The following NKTR variants were observed in gnomAD, a reference collection of about 807,000 sequenced individuals.
NKTR encodes natural killer cell triggering receptor, also known as NK-tumor recognition protein.
NKTR carries 67 observed loss-of-function variants against 156.3 expected under a neutral mutation model. The observed-to-expected ratio is 0.43, with a 90% CI of 0.35 to 0.53. The LOEUF is 0.53. Ranked by LOEUF, NKTR falls within the 20% of genes least tolerant of loss-of-function variation. The pLI is 0.01. For synonymous variants in NKTR, 640 were observed against 596.6 expected (o/e 1.07, Z -1.06); for missense variants, 1,604 against 1,730.9 (o/e 0.93, Z 1.30).
At chr3:42,612,270 G>A (rs1706904839) in intron 2 of NKTR, 1 of 152,010 alleles carries the variant, frequency 6.6e-6, no homozygotes, top group African/African-American at 2.4e-5. Flanking sequence ...AAAATACACA[G>A]AAAATTAATG....
rs889379755 is a variant in NKTR at position 42,631,297 on chromosome 3, C to T, written c.531C>T (p.Ala177=). ...DVRVIDCGVL[A]TKSIKDVFEK... ...GAGTTATTGACTGTGGAGTACTTGCCACAAAATCAATAAAAGATGGTAAGA... is the reference window on the plus strand; with the variant it reads ...GAGTTATTGACTGTGGAGTACTTGCTACAAAATCAATAAAAGATGGTAAGA... Residue 177 remains alanine, a synonymous_variant, in exon 8 of 17, where the codon GCC becomes GCT. Transcript: ENST00000232978. 2 of 1,613,148 alleles carry T rather than the reference C, an allele frequency of 1.2e-6. No homozygotes were observed. Among genetic ancestry groups the T allele is most frequent in the Non-Finnish European group, 1.7e-6 (2 of 1,179,624 alleles).
At chr3:42,631,894 A>T (rs1415535788) in intron 8 of NKTR, among the ~76,000 whole-genome samples, 1 of 151,856 alleles carries the variant, frequency 6.6e-6, no homozygotes, top group Non-Finnish European at 1.5e-5. Context: ...TGTGCTGCCT[A>T]TTCTCTTTGT....
Position 42,631,277 on chromosome 3 carries a change from A to T in NKTR, c.511A>T (p.Ile171Phe). The change falls in exon 8 of 17, where the codon ATT becomes TTT. Residue 171 changes from isoleucine (I) to phenylalanine (F), a missense_variant. Around this residue, in one of 6 missense-constraint regions of NKTR, gnomAD observed 61 missense variants for 113.3 expected, o/e 0.54. Coordinates refer to ENST00000232978, the MANE Select transcript of NKTR (RefSeq NM_005385.4). ...ASRPYADVRV[I>F]DCGVLATKSI... ...CAGACCATATGCAGATGTGCGAGTT[A>T]TTGACTGTGGAGTACTTGCCACAAA... 1 of 1,614,022 alleles carries T rather than the reference A, an allele frequency of 6.2e-7. No individual in the cohort carries two copies. Among genetic ancestry groups the T allele is most frequent in the African/African-American group, 1.3e-5 (1 of 75,050 alleles).
intron 16 of NKTR, 146 bp downstream of exon 16, chr3:42,644,149 C>CTT: frequency 3.7e-6 from 2 of 542,752 alleles, no homozygotes; most frequent in South Asian, 5.2e-5. Flanking sequence ...CTGAACAACC[C>CTT]ACAAGCAGCC....
rs1327997697 is a variant in NKTR at position 42,639,144 on chromosome 3, C to T, written c.3440C>T (p.Pro1147Leu). The change falls in exon 13 of 17, where the codon CCT becomes CTT. Residue 1147 changes from proline to leucine, a missense_variant. Coordinates refer to ENST00000232978, the MANE Select transcript of NKTR (RefSeq NM_005385.4). ...SSPAKVEETS[P>L]LGNARLDTPD... ...CCAGCAAAAGTAGAGGAGACTTCCC[C>T]TCTAGGAAATGCACGGCTTGATACC... 5 of 1,614,114 alleles carry T rather than the reference C, an allele frequency of 3.1e-6. No homozygotes were observed. The highest frequency in any genetic ancestry group is 2.2e-5 in the East Asian group (1 of 44,888).
intron 2 of NKTR, among the ~76,000 whole-genome samples, chr3:42,608,281 C>T (rs1706432073): frequency 6.6e-6 from 1 of 152,042 alleles, no homozygotes; most frequent in Non-Finnish European, 1.5e-5. Flanking sequence ...CTGAGTCACT[C>T]TTACTTCTGA....
chr3:42,617,494 GC>G, intron 2 of NKTR, 75 bp from the exon 3 acceptor site: 1 of 736,226 alleles, frequency 1.4e-6, no homozygotes, highest in Non-Finnish European at 2.4e-6. Flanking sequence ...TAATTTGTTA[GC>G]CCTGTTTCTT....
chr3:42,603,732 C>CTTTTT (rs11315714), intron 2 of NKTR, among the ~76,000 whole-genome samples: 2 of 116,698 alleles, frequency 1.7e-5, no homozygotes, highest in African/African-American at 7.3e-5. Flanking sequence ...TTTTACACAA[C>CTTTTT]TTTTTTTTTT....
Position 42,619,137 on chromosome 3 carries a change from A to T in NKTR, c.241+10A>T. On this transcript the variant is annotated intron_variant, in intron 4 of 16. Coordinates refer to ENST00000232978, the MANE Select transcript of NKTR (RefSeq NM_005385.4). Reference sequence around the variant, plus strand: ...GGGGACTTCAGTGAAGGTAGAGCTAAAAGTTGTGTTCCTAATAACTCCATC... The same window carrying T: ...GGGGACTTCAGTGAAGGTAGAGCTATAAGTTGTGTTCCTAATAACTCCATC... The T allele has an allele frequency of 6.3e-7, 1 of 1,597,128 alleles. No individual in the cohort carries two copies. Among genetic ancestry groups the T allele is most frequent in the Non-Finnish European group, 8.5e-7 (1 of 1,174,838 alleles).
chr3:42,601,051 C>T lies in NKTR; in HGVS notation c.45C>T (p.Ile15=). ...CGCAGTGCCACTTCGACATCGAGAT[C>T]AACCGGGAGCCGGGTGAGCTGGAAA... is the stretch of plus-strand genomic sequence containing the variant. ...DRPQCHFDIE[I]NREPVGRIMF... The change falls in exon 2 of 17, where the codon ATC becomes ATT. Residue 15 remains isoleucine (I), a synonymous_variant. Transcript: ENST00000232978. The T allele has an allele frequency of 6.3e-7, 1 of 1,579,722 alleles. No homozygotes were observed. The highest frequency in any genetic ancestry group is 8.6e-7 in the Non-Finnish European group (1 of 1,165,990).
At chr3:42,604,436 A>AAC (rs1275371218) in intron 2 of NKTR, among the ~76,000 whole-genome samples, 1 of 151,650 alleles carries the variant, frequency 6.6e-6, no homozygotes, top group Non-Finnish European at 1.5e-5. Flanking sequence ...ATGGCTAGAG[A>AAC]ACACACATGA....
chr3:42,631,338 G>T (rs1269676840), intron 8 of NKTR, 22 bp downstream of exon 8: 2 of 1,610,592 alleles, frequency 1.2e-6, no homozygotes, highest in Non-Finnish European at 1.7e-6. Context: ...TTTGACAGTA[G>T]ATGAAGCTAA....
In NKTR at chr3:42,635,330, G is replaced by A; in HGVS notation, c.1127G>A (p.Arg376Lys). 6.2e-7 allele frequency: 1 copy of A among 1,613,044 alleles called. No individual in the cohort carries two copies. The highest frequency in any genetic ancestry group is 1.3e-5 in the African/African-American group (1 of 74,986). Residue 376 changes from arginine to lysine, a missense_variant, in exon 12 of 17, where the codon AGA becomes AAA. By Grantham distance (26) the Arg-to-Lys change is conservative (BLOSUM62 2). Coordinates refer to ENST00000232978, the MANE Select transcript of NKTR (RefSeq NM_005385.4). ...KEEMQRLRAYRPPSGEKWSKG... is the reference protein window; with the variant it reads ...KEEMQRLRAYKPPSGEKWSKG... ...GAAATGCAGAGATTAAGAGCATATA[G>A]ACCACCTAGTGGAGAAAAATGGAGT...
chr3:42,619,387 A>G (rs367904219), intron 4 of NKTR: 6 of 1,197,326 alleles, frequency 5.0e-6, no homozygotes, highest in South Asian at 1.9e-5. Flanking sequence ...ATGAATGCCA[A>G]AGTACTGTCT....
At chr3:42,610,593 G>A (rs1397782174) in intron 2 of NKTR, among the ~76,000 whole-genome samples, 2 of 150,462 alleles carry the variant, frequency 1.3e-5, no homozygotes, top group African/African-American at 2.4e-5. Context: ...TCTATCGTGG[G>A]ATTTTTTTTT....
intron 2 of NKTR, among the ~76,000 whole-genome samples, chr3:42,603,877 A>G (rs1705889802): frequency 1.3e-5 from 2 of 152,040 alleles, no homozygotes; most frequent in South Asian, 2.1e-4. Flanking sequence ...CTGGGATTAC[A>G]GGCATGTGCC....
chr3:42,604,805 C>G (rs1026998588), intron 2 of NKTR, among the ~76,000 whole-genome samples: 2 of 151,254 alleles, frequency 1.3e-5, no homozygotes, highest in South Asian at 4.2e-4. Context: ...TCTCGTGCCT[C>G]TGCCTCCCCA....
At chr3:42,625,226 C>G (rs148433868) in intron 6 of NKTR, among the ~76,000 whole-genome samples, 3 of 152,126 alleles carry the variant, frequency 2.0e-5, no homozygotes, top group Non-Finnish European at 4.4e-5. Context: ...GTCTCTTCAT[C>G]AGCTGCTGTT....
intron 2 of NKTR, 88 bp from the exon 3 acceptor site, chr3:42,617,478 ACTTT>A (rs1254642466): frequency 1.5e-6 from 1 of 648,484 alleles, no homozygotes; most frequent in Non-Finnish European, 2.7e-6. Context: ...ACAAAAATAG[ACTTT>A]CTAATTTGTT....
Sources: gnomAD v4.1 joint callset for allele counts (sites outside exome capture counted in the v4.1 genomes callset) on GRCh38, gnomAD v4.1.1 for gene constraint, gnomAD v4.1.1 regional missense constraint, MANE v1.5 for transcripts, NCBI Gene and HGNC (gene_info 2026-07-23, HGNC 2026-07-21) for gene names.